CNTNAP3B: variants seen among roughly 807,000 people sequenced by gnomAD.
The protein encoded by CNTNAP3B is contactin-associated protein-like 3B.
Under a neutral mutation model 108.9 loss-of-function variants are expected in CNTNAP3B, and 25 were observed. The ratio of observed to expected loss-of-function variants is 0.23; its 90% confidence interval spans 0.17 to 0.32. The LOEUF (loss-of-function observed/expected upper bound fraction) is 0.32, where lower values mean the gene tolerates loss of function less well. Ranked by LOEUF, CNTNAP3B falls within the 10% of genes least tolerant of loss-of-function variation. CNTNAP3B has a pLI of 1.00. For synonymous variants in CNTNAP3B, 103 were observed against 473.4 expected (o/e 0.22, Z 10.16); for missense variants, 252 against 1,210.4 (o/e 0.21, Z 11.75).
intron 18 of CNTNAP3B, among the ~76,000 whole-genome samples, chr9:41,917,015 T>C (rs1823534857): frequency 6.6e-6 from 1 of 152,230 alleles, no homozygotes; most frequent in South Asian, 2.1e-4. Context: ...TGTGTCTGGA[T>C]ATAAACTTCT....
chr9:41,941,060 A>T (rs960434486), intron 13 of CNTNAP3B, among the ~76,000 whole-genome samples: 2 of 149,802 alleles, frequency 1.3e-5, no homozygotes, highest in Non-Finnish European at 3.0e-5. Context: ...ACCATATGAT[A>T]CTCAAGACAA....
intron 13 of CNTNAP3B, among the ~76,000 whole-genome samples, chr9:41,947,884 A>T (rs1486096482): frequency 1.3e-5 from 2 of 152,226 alleles, no homozygotes; most frequent in African/African-American, 4.8e-5. Context: ...AGAAAATACT[A>T]CAAATAATTC....
At chr9:41,945,254 T>A (rs1387909819) in intron 13 of CNTNAP3B, among the ~76,000 whole-genome samples, 2 of 152,292 alleles carry the variant, frequency 1.3e-5, no homozygotes, top group Non-Finnish European at 2.9e-5. Flanking sequence ...GACCCAGCCA[T>A]CCCATTACTG....
At chr9:42,103,355 T>C (rs1216156900) in intron 2 of CNTNAP3B, among the ~76,000 whole-genome samples, 1 of 146,306 alleles carries the variant, frequency 6.8e-6, no homozygotes, top group Non-Finnish European at 1.5e-5. Context: ...ATTTATTTGG[T>C]CCAATGTGCA....
At chr9:42,103,306 GT>G (rs1828035257) in intron 2 of CNTNAP3B, among the ~76,000 whole-genome samples, 1 of 148,782 alleles carries the variant, frequency 6.7e-6, no homozygotes. Context: ...AATTGTTCAT[GT>G]TTCATAGCCA....
chr9:41,930,174 A>G (rs1343047102), intron 14 of CNTNAP3B, among the ~76,000 whole-genome samples: 3 of 152,282 alleles, frequency 2.0e-5, no homozygotes, highest in Non-Finnish European at 2.9e-5. Context: ...CCAAATACAT[A>G]CTACACCCTT....
At chr9:41,959,797 C>G (rs1419294140) in intron 12 of CNTNAP3B, among the ~76,000 whole-genome samples, 1 of 152,308 alleles carries the variant, frequency 6.6e-6, no homozygotes, top group Non-Finnish European at 1.5e-5. Context: ...TGCTTGCTGA[C>G]CCATTTGGTT....
intron 14 of CNTNAP3B, among the ~76,000 whole-genome samples, chr9:41,931,477 C>G (rs1464220254): frequency 6.6e-6 from 1 of 152,292 alleles, no homozygotes; most frequent in African/African-American, 2.4e-5. Flanking sequence ...AGGTATCAAA[C>G]TTTCAAATTG....
At chr9:41,967,792 G>C (rs1437546917) in intron 10 of CNTNAP3B, among the ~76,000 whole-genome samples, 1 of 152,252 alleles carries the variant, frequency 6.6e-6, no homozygotes, top group Non-Finnish European at 1.5e-5. Flanking sequence ...ACTGACTTTG[G>C]GAATGAAATA....
intron 3 of CNTNAP3B, among the ~76,000 whole-genome samples, chr9:42,071,555 G>A (rs1433936841): frequency 7.2e-6 from 1 of 139,038 alleles, no homozygotes; most frequent in African/African-American, 2.8e-5. Flanking sequence ...CATAAAATAT[G>A]TGGCAATTTA....
chr9:42,111,824 T>A (rs1168418146), intron 1 of CNTNAP3B, among the ~76,000 whole-genome samples: 1 of 138,608 alleles, frequency 7.2e-6, no homozygotes, highest in Non-Finnish European at 1.5e-5. Context: ...TAGGTCCTCA[T>A]GTTAACGACC....
intron 18 of CNTNAP3B, among the ~76,000 whole-genome samples, chr9:41,918,380 C>T (rs937769195): frequency 4.8e-5 from 7 of 147,204 alleles, no homozygotes; most frequent in African/African-American, 1.5e-4. Flanking sequence ...CTTTCAGCTT[C>T]TCTTAAAACA....
At chr9:41,974,928 CG>C (rs1365867892) in intron 9 of CNTNAP3B, 4 of 144,716 alleles carry the variant, frequency 2.8e-5, no homozygotes, top group Non-Finnish European at 5.1e-5. Flanking sequence ...AGAGTCACCC[CG>C]AGATTTTCCT....
chr9:41,918,424 A>G (rs1303933513), intron 18 of CNTNAP3B, among the ~76,000 whole-genome samples: 2 of 146,000 alleles, frequency 1.4e-5, no homozygotes, highest in African/African-American at 5.2e-5. Flanking sequence ...ATTTTATATC[A>G]AGTTAATTCC....
chr9:41,966,173 C>A (rs1477418979), intron 10 of CNTNAP3B, among the ~76,000 whole-genome samples: 2 of 152,262 alleles, frequency 1.3e-5, no homozygotes, highest in East Asian at 1.9e-4. Flanking sequence ...TGTTCCTCTT[C>A]CCCCACATCC....
intron 11 of CNTNAP3B, among the ~76,000 whole-genome samples, chr9:41,961,734 C>A (rs1330721369): frequency 5.9e-5 from 9 of 152,422 alleles, no homozygotes; most frequent in African/African-American, 1.9e-4. Flanking sequence ...AGTGACAATT[C>A]AAGACAGCTG....
chr9:42,079,579 T>G lies in CNTNAP3B; in HGVS notation c.197-2517A>C, dbSNP rs1361763655. On this transcript the variant is annotated intron_variant, in intron 2 of 23. Transcript: ENST00000377561. ...ACTCTGTCACCAGCCTGGAGTGCAG[T>G]GGCGAGATCTCTGCTCACTGCAACC... 3.0e-4 allele frequency among the ~76,000 whole-genome samples: 39 copies of G among 131,758 alleles called. 5 individuals are homozygous for G. Among genetic ancestry groups the G allele is most frequent in the Admixed American group, 3.0e-3 (39 of 13,206 alleles). 86.4% of individuals were successfully genotyped at this position (131,758 alleles called of 152,430 possible).
chr9:41,958,703 CA>C (rs530960263), intron 12 of CNTNAP3B, among the ~76,000 whole-genome samples: 1,164 of 132,566 alleles, frequency 8.8e-3, no homozygotes, highest in Non-Finnish European at 0.014. Flanking sequence ...GCTCTGAAAA[CA>C]AAAAACAAAA....
chr9:41,914,585 C>T (rs1392595539), intron 18 of CNTNAP3B, among the ~76,000 whole-genome samples: 1 of 150,950 alleles, frequency 6.6e-6, no homozygotes, highest in Non-Finnish European at 1.5e-5. Flanking sequence ...TAAAAAACCA[C>T]TGCCAAATCC....
Sources: gnomAD v4.1 joint callset for allele counts (sites outside exome capture counted in the v4.1 genomes callset) on GRCh38, gnomAD v4.1.1 for gene constraint, MANE v1.5 for transcripts, NCBI Gene and HGNC (gene_info 2026-07-23, HGNC 2026-07-21) for gene names.